The following GIT1 variants were observed in gnomAD, a reference collection of about 807,000 sequenced individuals.
The protein encoded by GIT1 is ARF GTPase-activating protein GIT1.
A neutral mutation model predicts 91.7 loss-of-function variants in GIT1; 14 were observed. That is an observed-to-expected ratio of 0.15 (90% CI 0.10 to 0.24). The LOEUF is 0.24. GIT1 is among the 10% of genes least tolerant of loss of function. GIT1 has a pLI of 1.00. For missense variants in GIT1, 717 were observed against 1,024.9 expected (o/e 0.70, Z 4.10); for synonymous variants, 414 against 418.2 (o/e 0.99, Z 0.12).
Position 29,589,393 on chromosome 17 carries a change from CG to C in GIT1, c.-16del. ...TTTCGGGACATCCTCAGCGGCGACG[CG>C]GCCGCAGCCCTCTGGGCCAGCGTGG... On this transcript the variant is annotated 5_prime_UTR_variant, in exon 1 of 20. Transcript: ENST00000225394. This position sits in a 1 kb window ranked among gnomAD's most constrained non-coding sequence, Gnocchi z 5.2. 1 of 1,041,756 alleles carries C rather than the reference CG, an allele frequency of 9.6e-7. No individual in the cohort carries two copies. Among genetic ancestry groups the C allele is most frequent in the Non-Finnish European group, 1.2e-6 (1 of 859,782 alleles). 64.5% of individuals were successfully genotyped at this position (1,041,756 alleles called of 1,614,324 possible). A position where few individuals can be genotyped will look rare whatever the true frequency, so the allele number is the denominator to read the frequency against.
rs2033163093 is a variant in GIT1 at position 29,575,564 on chromosome 17, G to A, written c.1826+66C>T. ...CGCCCGCCTTGGTCCTCACACACTG[G>A]GGGCCCTCTCAACCTCCCCGCCTCG... On this transcript the variant is annotated intron_variant, in intron 17 of 19. Coordinates refer to ENST00000225394, the MANE Select transcript of GIT1 (RefSeq NM_014030.4). The surrounding 1 kb of genome is among the most constrained non-coding windows in gnomAD (Gnocchi z 5.5). The A allele has an allele frequency of 6.4e-7, 1 of 1,564,324 alleles. No individual in the cohort carries two copies. Among genetic ancestry groups the A allele is most frequent in the Middle Eastern group, 1.7e-4 (1 of 5,824 alleles).
rs1598562972 is a variant in GIT1, at chr17:29,575,259, T to A, written c.2009+29A>T. The A allele has an allele frequency of 6.3e-7, 1 of 1,587,204 alleles. No homozygotes were observed. Among genetic ancestry groups the A allele is most frequent in the Admixed American group, 1.7e-5 (1 of 58,608 alleles). On this transcript the variant is annotated intron_variant, in intron 18 of 19. Transcript: ENST00000225394. The surrounding 1 kb of genome is among the most constrained non-coding windows in gnomAD (Gnocchi z 5.5). ...ACCCTAGAAGCCAACAGGAACTGCA[T>A]CCCCCTCACCTCCCCCTCCACTCAG...
chr17:29,581,163 T>G lies in GIT1; in HGVS notation c.761+175A>C. On this transcript the variant is annotated intron_variant, in intron 7 of 19. Coordinates refer to ENST00000225394, the MANE Select transcript of GIT1 (RefSeq NM_014030.4). This position sits in a 1 kb window ranked among gnomAD's most constrained non-coding sequence, Gnocchi z 4.8. ...ATGCGGGCCACATATGGAGCTGACATTTTTTACCTGCCTTGGGGCCCAGCA... is the reference window on the plus strand; with the variant it reads ...ATGCGGGCCACATATGGAGCTGACAGTTTTTACCTGCCTTGGGGCCCAGCA... 1.6e-6 allele frequency: 1 copy of G among 626,712 alleles called. No homozygotes were observed. Among genetic ancestry groups the G allele is most frequent in the Non-Finnish European group, 2.9e-6 (1 of 347,556 alleles). 38.8% of individuals were successfully genotyped at this position (626,712 alleles called of 1,614,324 possible). A position where few individuals can be genotyped will look rare whatever the true frequency, so the allele number is the denominator to read the frequency against.
intron 10 of GIT1, among the ~76,000 whole-genome samples, 179 bp downstream of exon 10, chr17:29,577,466 G>A (rs566759747): frequency 1.3e-5 from 2 of 152,300 alleles, no homozygotes; most frequent in Admixed American, 6.5e-5. Context: ...CACCGGAGCT[G>A]CTCCCCAAGT....
chr17:29,576,935 G>A lies in GIT1; in HGVS notation c.1155C>T (p.Ser385=), dbSNP rs1195255737. The change falls in exon 12 of 20, where the codon AGC becomes AGT. Residue 385 remains serine (S), a synonymous_variant. Coordinates refer to ENST00000225394, the MANE Select transcript of GIT1 (RefSeq NM_014030.4). ...SDLDDQHDYD[S]VASDEDTDQE... is the part of the protein sequence containing the mutation. ...GGTCTGTGTCCTCGTCAGAGGCCAC[G>A]CTGTCGTAGTCGTGTTGGTCGTCGA... The A allele has an allele frequency of 6.3e-6, 10 of 1,592,794 alleles. No homozygotes were observed. The highest frequency in any genetic ancestry group is 3.5e-5 in the Admixed American group (2 of 56,714).
At chr17:29,578,397 T>C (rs1281001775) in intron 8 of GIT1, 26 bp from the exon 9 acceptor site, 3 of 1,608,620 alleles carry the variant, frequency 1.9e-6, no homozygotes, top group Non-Finnish European at 2.6e-6. Context: ...GGCCCAGATG[T>C]TGTCAGATGC....
rs762198415 is a variant in GIT1 at position 29,577,741 on chromosome 17, C to A, written c.885G>T (p.Val295=). ...DEVDRRENDA[V]WLATQNHSTL... ...TGCTGTGGTTTTGGGTAGCCAGCCA[C>A]ACTGTAGGGGACGGACAGGAGCAGA... The change falls in exon 10 of 20, where the codon GTG becomes GTT. Residue 295 remains valine, a splice_region_variant and synonymous_variant. Coordinates refer to ENST00000225394, the MANE Select transcript of GIT1 (RefSeq NM_014030.4). 17 of 1,596,424 alleles carry A rather than the reference C, an allele frequency of 1.1e-5. No individual in the cohort carries two copies. Among genetic ancestry groups the A allele is most frequent in the Non-Finnish European group, 1.5e-5 (17 of 1,164,040 alleles).
rs1396458647 is a variant in GIT1 at position 29,576,629 on chromosome 17, C to T, written c.1273G>A (p.Glu425Lys). Residue 425 changes from glutamate (E) to lysine (K), a missense_variant, in exon 13 of 20, where the codon GAG (glutamate) becomes AAG (lysine). Around this residue, in one of 3 missense-constraint regions of GIT1, gnomAD observed 312 missense variants for 349.5 expected, o/e 0.89. Transcript: ENST00000225394. ...AGGGCCTTCTTCAGCTCCAGGTACT[C>T]CTGCAGCGTCACAGCCCCGTCAGAC... ...DLSDGAVTLQ[E>K]YLELKKALAT... is the part of the protein sequence containing the mutation. 1 of 1,613,928 alleles carries T rather than the reference C, an allele frequency of 6.2e-7. No homozygotes were observed. The highest frequency in any genetic ancestry group is 8.5e-7 in the Non-Finnish European group (1 of 1,180,014).
Position 29,589,384 on chromosome 17 carries a change from G to T in GIT1, c.-6C>A. ...CGCGGCCCCTTTCGGGACATCCTCA[G>T]CGGCGACGCGGCCGCAGCCCTCTGG... On this transcript the variant is annotated 5_prime_UTR_variant, in exon 1 of 20. In the 5' UTR this introduces an upstream ATG that the reference lacks. Coordinates refer to ENST00000225394, the MANE Select transcript of GIT1 (RefSeq NM_014030.4). The surrounding 1 kb of genome is among the most constrained non-coding windows in gnomAD (Gnocchi z 5.2). The T allele has an allele frequency of 9.5e-7, 1 of 1,054,682 alleles. No individual in the cohort carries two copies. The highest frequency in any genetic ancestry group is 1.2e-6 in the Non-Finnish European group (1 of 867,316). The allele number at this position is 1,054,682 out of a possible 1,614,324, so 65.3% of individuals were successfully genotyped here.
chr17:29,577,353 C>T, intron 10 of GIT1, 106 bp from the exon 11 acceptor site: 1 of 892,646 alleles, frequency 1.1e-6, no homozygotes, highest in Admixed American at 2.1e-5. Context: ...AATTTAACCC[C>T]AGCTAAAGCG....
chr17:29,581,751 G>A lies in GIT1; in HGVS notation c.709C>T (p.Arg237Cys), dbSNP rs1434931610. ...TDRLAFYLCG[R>C]KPDHKNGHYI... ...CCCAAGCTCTGCTCACCCGGCTTGC[G>A]TCCACAGAGGTAGAAGGCCAGCCGG... is the stretch of plus-strand genomic sequence containing the variant. The change falls in exon 6 of 20, where the codon CGC becomes TGC. Residue 237 changes from arginine to cysteine, a missense_variant. Around this residue, in one of 3 missense-constraint regions of GIT1, gnomAD observed 271 missense variants for 451.6 expected, o/e 0.60. Coordinates refer to ENST00000225394, the MANE Select transcript of GIT1 (RefSeq NM_014030.4). The surrounding 1 kb of genome is among the most constrained non-coding windows in gnomAD (Gnocchi z 4.8). 2.5e-6 allele frequency: 4 copies of A among 1,609,980 alleles called. No individual in the cohort carries two copies. The highest frequency in any genetic ancestry group is 1.7e-5 in the Admixed American group (1 of 60,026).
rs370437304 is a variant in GIT1 at position 29,577,100 on chromosome 17, G to T, written c.1093+36C>A. On this transcript the variant is annotated intron_variant, in intron 11 of 19. Coordinates refer to ENST00000225394, the MANE Select transcript of GIT1 (RefSeq NM_014030.4). Reference sequence around the variant, plus strand: ...ATGCAGGAAAGACCCCTGGAGCCCCGCCTGCTTCCCACACCCTCCCACACA... The same window carrying T: ...ATGCAGGAAAGACCCCTGGAGCCCCTCCTGCTTCCCACACCCTCCCACACA... 2.5e-6 allele frequency: 4 copies of T among 1,605,670 alleles called. No individual in the cohort carries two copies. The East Asian group carries it at 8.9e-5, about 36-fold the overall frequency.
intron 7 of GIT1, among the ~76,000 whole-genome samples, chr17:29,580,043 C>G (rs1395592747): frequency 6.6e-6 from 1 of 152,188 alleles, no homozygotes; most frequent in Non-Finnish European, 1.5e-5. Context: ...CCTCCATTCC[C>G]ATGCAGCATT....
intron 2 of GIT1, 149 bp downstream of exon 2, chr17:29,583,334 G>T: frequency 1.3e-6 from 1 of 744,330 alleles, no homozygotes; most frequent in Non-Finnish European, 2.2e-6. Flanking sequence ...GGGAGGAAAG[G>T]GTCAGGATTA....
At chr17:29,577,290 A>T (rs2033243888) in intron 10 of GIT1, 43 bp from the exon 11 acceptor site, 1 of 1,508,930 alleles carries the variant, frequency 6.6e-7, no homozygotes, top group Non-Finnish European at 9.2e-7. Flanking sequence ...GGGACCCCTT[A>T]TGACTGACGC....
chr17:29,582,914 G>T lies in GIT1; in HGVS notation c.299+11C>A. The T allele has an allele frequency of 1.3e-6, 2 of 1,589,368 alleles. No individual in the cohort carries two copies. Among genetic ancestry groups the T allele is most frequent in the Non-Finnish European group, 1.7e-6 (2 of 1,158,688 alleles). ...GCAGTCTCTGCCCACCACCCCTCCA[G>T]CCCCACTCACTGGACTTTGTCTTGG... On this transcript the variant is annotated intron_variant, in intron 3 of 19. Coordinates refer to ENST00000225394, the MANE Select transcript of GIT1 (RefSeq NM_014030.4).
intron 9 of GIT1, 58 bp from the exon 10 acceptor site, chr17:29,577,800 T>C: frequency 9.5e-7 from 1 of 1,057,476 alleles, no homozygotes; most frequent in East Asian, 2.4e-5. Context: ...AAGGTGGGGG[T>C]GGGGAAGCAC....
chr17:29,589,234 C>T lies in GIT1; in HGVS notation c.52+93G>A, dbSNP rs1266775480. On this transcript the variant is annotated intron_variant, in intron 1 of 19. Transcript: ENST00000225394. The surrounding 1 kb of genome is among the most constrained non-coding windows in gnomAD (Gnocchi z 5.2). ...GCCGCAGCCCCCCGCCCCGCCCAGC[C>T]CTCCGGCCCCGCACAGCGCTCTTGC... The T allele has an allele frequency of 8.1e-6, 3 of 368,844 alleles. No individual in the cohort carries two copies. The highest frequency in any genetic ancestry group is 1.1e-5 in the Non-Finnish European group (3 of 264,712). 22.8% of individuals were successfully genotyped at this position (368,844 alleles called of 1,614,324 possible).
At position 29,575,533 on chromosome 17, in the gene GIT1, C is replaced by T. The variant is rs965794766; in HGVS notation, c.1827-63G>A. On this transcript the variant is annotated intron_variant, in intron 17 of 19. Transcript: ENST00000225394. The surrounding 1 kb of genome is among the most constrained non-coding windows in gnomAD (Gnocchi z 5.5). ...TATAGAGAAAGACACGTTCCAGCCT[C>T]GGAGCCGCCCGCCTTGGTCCTCACA... is the stretch of plus-strand genomic sequence containing the variant. 80 of 1,561,064 alleles carry T rather than the reference C, an allele frequency of 5.1e-5. No homozygotes were observed. The highest frequency in any genetic ancestry group is 3.5e-4 in the Middle Eastern group (2 of 5,758).
Sources: gnomAD v4.1 joint callset for allele counts (sites outside exome capture counted in the v4.1 genomes callset) on GRCh38, gnomAD v4.1.1 for gene constraint, gnomAD v4.1.1 regional missense constraint, Gnocchi (gnomAD v3.1) non-coding constraint, MANE v1.5 for transcripts, NCBI Gene and HGNC (gene_info 2026-07-23, HGNC 2026-07-21) for gene names.